Variants in CTBP2 observed in about 807,000 individuals in gnomAD.
The protein encoded by CTBP2 is C-terminal-binding protein 2.
CTBP2 carries 30 observed loss-of-function variants against 80.3 expected under a neutral mutation model. The ratio of observed to expected loss-of-function variants is 0.37; its 90% CI spans 0.28 to 0.51. The LOEUF is 0.51. Among genes scored for constraint, CTBP2 ranks in the 20% least tolerant of loss-of-function variants. The pLI is 0.93. For synonymous variants in CTBP2, 594 were observed against 587.4 expected (o/e 1.01, Z -0.16); for missense variants, 1,212 against 1,375.3 (o/e 0.88, Z 1.88).
At chr10:125,023,995 A>G (rs1436653579) in intron 1 of CTBP2, among the ~76,000 whole-genome samples, 1 of 152,202 alleles carries the variant, frequency 6.6e-6, no homozygotes, top group Non-Finnish European at 1.5e-5. Context: ...GCGGCGTCCC[A>G]AACAAGCAAC....
intron 1 of CTBP2, among the ~76,000 whole-genome samples, chr10:125,154,228 G>T (rs1015278830): frequency 1.3e-5 from 2 of 152,028 alleles, no homozygotes; most frequent in Non-Finnish European, 2.9e-5. Flanking sequence ...AGAACCCCAC[G>T]GATGAAAAGC....
At position 125,010,219 on chromosome 10, in the gene CTBP2, TAAAA is replaced by T. The variant is rs59517853; in HGVS notation, c.1679-6731_1679-6728del. 5.4e-3 allele frequency among the ~76,000 whole-genome samples: 570 copies of T among 105,968 alleles called. 6 individuals carry two copies. The highest frequency in any genetic ancestry group is 0.018 in the African/African-American group (492 of 27,210). The allele number at this position is 105,968 out of a possible 152,430, so 69.5% of individuals were successfully genotyped here. On this transcript the variant is annotated intron_variant, in intron 1 of 8. Transcript: ENST00000309035. ...GCTAAGAGTGGCACTATTTTAAGGT[TAAAA>T]AAAAAAAAAAAAAAAAAAAGCAACT...
chr10:125,026,182 C>A lies in CTBP2; in HGVS notation c.1578G>T (p.Pro526=), dbSNP rs148909578. The A allele has an allele frequency of 6.2e-7, 1 of 1,611,750 alleles. No homozygotes were observed. Among genetic ancestry groups the A allele is most frequent in the African/African-American group, 1.3e-5 (1 of 74,850 alleles). Residue 526 remains proline (P), a synonymous_variant, in exon 1 of 9, where the codon CCG becomes CCT. Coordinates refer to ENST00000309035, the MANE Select transcript of CTBP2 (RefSeq NM_022802.3). ...GAGGCGTGTGGAGGCTCTGGCTGGC[C>A]GGCGGCAGGGTGGATGGCCCCAGGG... is the stretch of plus-strand genomic sequence containing the variant.
intron 2 of CTBP2, among the ~76,000 whole-genome samples, chr10:125,075,385 C>T (rs529652178): frequency 7.8e-4 from 118 of 152,098 alleles, no homozygotes; most frequent in Non-Finnish European, 1.2e-3. Context: ...TGTTATCGTG[C>T]GAGTGGGTTC....
chr10:124,987,813 T>C lies in CTBP2; in HGVS notation c.*1705A>G, dbSNP rs1044189807. On this transcript the variant is annotated 3_prime_UTR_variant, in exon 9 of 9. Transcript: ENST00000309035. ...AAGGAAGAGCTCAGAGGGAGTTTCATACCTGGAATTGTTGGACTTAATTGA... is the reference window on the plus strand; with the variant it reads ...AAGGAAGAGCTCAGAGGGAGTTTCACACCTGGAATTGTTGGACTTAATTGA... 6.6e-6 allele frequency: 1 copy of C among 152,226 alleles called. No individual in the cohort carries two copies. Among genetic ancestry groups the C allele is most frequent in the African/African-American group, 2.4e-5 (1 of 41,452 alleles). 9.4% of individuals were successfully genotyped at this position (152,226 alleles called of 1,614,324 possible). A position where few individuals can be genotyped will look rare whatever the true frequency, so the allele number is the denominator to read the frequency against.
intron 3 of CTBP2, among the ~76,000 whole-genome samples, chr10:125,035,401 T>G (rs1298632292): frequency 6.6e-6 from 1 of 152,310 alleles, no homozygotes; most frequent in East Asian, 1.9e-4. Context: ...CTGAGTCATG[T>G]TACAAGGGGA....
At chr10:125,065,866 G>A (rs745982179) in intron 2 of CTBP2, among the ~76,000 whole-genome samples, 2 of 152,174 alleles carry the variant, frequency 1.3e-5, no homozygotes, top group Non-Finnish European at 2.9e-5. Context: ...TTGGGAGGCT[G>A]AGGTGGGCGG....
At chr10:125,115,605 T>C (rs907834443) in intron 1 of CTBP2, among the ~76,000 whole-genome samples, 4 of 152,138 alleles carry the variant, frequency 2.6e-5, no homozygotes, top group Admixed American at 6.5e-5. Context: ...ACTCAATAAC[T>C]GTGTGTCATC....
intron 2 of CTBP2, among the ~76,000 whole-genome samples, chr10:125,079,788 G>C (rs571247498): frequency 6.6e-6 from 1 of 152,312 alleles, no homozygotes; most frequent in African/African-American, 2.4e-5. Context: ...TTCCAATGGA[G>C]AGTTTATTTA....
intron 1 of CTBP2, among the ~76,000 whole-genome samples, chr10:125,159,440 C>T (rs1020062152): frequency 2.1e-5 from 3 of 145,304 alleles, no homozygotes; most frequent in African/African-American, 4.9e-5. Flanking sequence ...CCGCCCGGCC[C>T]GCCCAGGCCC....
intron 2 of CTBP2, among the ~76,000 whole-genome samples, chr10:125,090,773 T>TAACAAAAA (rs1848656351): frequency 1.3e-5 from 2 of 150,806 alleles, no homozygotes; most frequent in African/African-American, 4.9e-5. Context: ...AATAAATAAA[T>TAACAAAAA]AACAAAACAA....
chr10:125,101,237 TC>T (rs954959570), intron 2 of CTBP2, among the ~76,000 whole-genome samples: 1 of 152,366 alleles, frequency 6.6e-6, no homozygotes, highest in Non-Finnish European at 1.5e-5. Context: ...GTGGCCGTGT[TC>T]CCGGCCTCTC....
chr10:125,132,184 T>G (rs994610194), intron 1 of CTBP2, among the ~76,000 whole-genome samples: 3 of 152,198 alleles, frequency 2.0e-5, no homozygotes, highest in African/African-American at 4.8e-5. Flanking sequence ...CAACTGCCTT[T>G]TTGTTGGAAA....
rs761811566 is a variant in CTBP2 at position 124,989,483 on chromosome 10, A to G, written c.*35T>C. ...TATTTTTCACTGTCTCTTGGTCCCA[A>G]GTGTATCTGAGTGATTACCTTCTGG... On this transcript the variant is annotated 3_prime_UTR_variant, in exon 9 of 9. Coordinates refer to ENST00000309035, the MANE Select transcript of CTBP2 (RefSeq NM_022802.3). 3.0e-5 allele frequency: 47 copies of G among 1,584,552 alleles called. No homozygotes were observed. The highest frequency in any genetic ancestry group is 1.3e-4 in the African/African-American group (10 of 74,228).
At chr10:125,042,997 C>T (rs1960275592) in intron 2 of CTBP2, among the ~76,000 whole-genome samples, 1 of 152,148 alleles carries the variant, frequency 6.6e-6, no homozygotes, top group Non-Finnish European at 1.5e-5. Flanking sequence ...TAAGTGAGGG[C>T]TGTGATCTAG....
intron 1 of CTBP2, among the ~76,000 whole-genome samples, chr10:125,153,206 G>A (rs1176920508): frequency 2.6e-5 from 4 of 152,242 alleles, no homozygotes; most frequent in Non-Finnish European, 5.9e-5. Flanking sequence ...AACATTCTCA[G>A]TTCCCTCAAC....
chr10:125,061,815 T>C (rs1472208411), intron 2 of CTBP2, among the ~76,000 whole-genome samples: 1 of 152,074 alleles, frequency 6.6e-6, no homozygotes, highest in Non-Finnish European at 1.5e-5. Flanking sequence ...GGAGCAGCTG[T>C]AGCAATAAGC....
chr10:125,005,956 G>T (rs1590018879), intron 1 of CTBP2: 1 of 1,486,994 alleles, frequency 6.7e-7, no homozygotes, highest in East Asian at 2.3e-5. Context: ...CACGCTGGGC[G>T]CAAGGTGGGA....
chr10:125,108,273 T>C (rs1196942448), intron 2 of CTBP2, among the ~76,000 whole-genome samples: 1 of 152,190 alleles, frequency 6.6e-6, no homozygotes, highest in Non-Finnish European at 1.5e-5. Context: ...TAAACCAAAA[T>C]ATTAAGTCTA....
Sources: allele counts gnomAD v4.1 joint callset (sites outside exome capture counted in the v4.1 genomes callset), GRCh38; gene constraint gnomAD v4.1.1; transcripts MANE v1.5; gene names NCBI Gene and HGNC (gene_info 2026-07-23, HGNC 2026-07-21).